ADAMTSL1: variants seen among roughly 807,000 people sequenced by gnomAD.
The protein encoded by ADAMTSL1 is ADAMTS like 1.
Under a neutral mutation model 201.8 loss-of-function variants are expected in ADAMTSL1, and 126 were observed. The ratio of observed to expected loss-of-function variants is 0.62; its 90% CI spans 0.54 to 0.72. The LOEUF (loss-of-function observed/expected upper bound fraction) is 0.72, where lower values mean the gene tolerates loss of function less well. ADAMTSL1 is among the 30% of genes least tolerant of loss of function. The pLI, the probability that ADAMTSL1 is intolerant of heterozygous loss-of-function variation, is 0.00. For missense variants in ADAMTSL1, 2,679 were observed against 2,277.8 expected, an observed-to-expected ratio of 1.18 and a Z score of -3.59; for synonymous variants, 1,121 against 903.4, an observed-to-expected ratio of 1.24 and a Z score of -4.32.
chr9:18,330,296 A>G (rs1834978806), intron 2 of ADAMTSL1, among the ~76,000 whole-genome samples: 1 of 152,056 alleles, frequency 6.6e-6, no homozygotes, highest in African/African-American at 2.4e-5. Flanking sequence ...ATTAGGACTC[A>G]GTTTTCCAGA....
chr9:18,267,781 C>CAAAA lies in ADAMTSL1; in HGVS notation c.207+103802_207+103805dup, dbSNP rs1331435629. ...GGCTATTAAAAAAAAAAAACAAAAACAAAAACAAAAAAACCTTAATCTGAG... is the reference window on the plus strand; with the variant it reads ...GGCTATTAAAAAAAAAAAACAAAAACAAAAAAAAACAAAAAAACCTTAATCTGAG... On this transcript the variant is annotated intron_variant, in intron 2 of 29. Coordinates refer to the ADAMTSL1 transcript ENST00000680146. Among the ~76,000 whole-genome samples, 19 of 138,722 alleles carry CAAAA rather than the reference C, an allele frequency of 1.4e-4. No homozygotes were observed. In the South Asian group the frequency reaches 1.6e-3, roughly 11 times the overall value. The allele number at this position is 138,722 out of a possible 152,430, so 91.0% of individuals were successfully genotyped here.
intron 2 of ADAMTSL1, among the ~76,000 whole-genome samples, chr9:18,334,700 T>G (rs1419784883): frequency 6.6e-6 from 1 of 152,016 alleles, no homozygotes; most frequent in African/African-American, 2.4e-5. Context: ...ACAAATAGAG[T>G]CTGTTATCAA....
At chr9:17,991,348 G>A (rs1413801881) in intron 1 of ADAMTSL1, among the ~76,000 whole-genome samples, 1 of 152,112 alleles carries the variant, frequency 6.6e-6, no homozygotes, top group East Asian at 1.9e-4. Flanking sequence ...TTTTATCAAA[G>A]CAGAGATAAA....
At chr9:18,526,710 A>G (rs1819078625) in intron 2 of ADAMTSL1, among the ~76,000 whole-genome samples, 1 of 151,794 alleles carries the variant, frequency 6.6e-6, no homozygotes, top group African/African-American at 2.4e-5. Flanking sequence ...CTTAGTTTGG[A>G]GAATTTTTTT....
chr9:17,964,623 A>C (rs1292640177), intron 1 of ADAMTSL1, among the ~76,000 whole-genome samples: 2 of 152,142 alleles, frequency 1.3e-5, no homozygotes, highest in African/African-American at 4.8e-5. Flanking sequence ...TGGAAATCTG[A>C]ATAAGATAGG....
At chr9:18,070,561 G>A (rs1822919609) in intron 1 of ADAMTSL1, among the ~76,000 whole-genome samples, 1 of 152,132 alleles carries the variant, frequency 6.6e-6, no homozygotes, top group African/African-American at 2.4e-5. Context: ...TGCACAATAA[G>A]TTTTGCTTTT....
chr9:18,059,068 C>G (rs753310211), intron 1 of ADAMTSL1, among the ~76,000 whole-genome samples: 1 of 152,208 alleles, frequency 6.6e-6, no homozygotes, highest in Admixed American at 6.5e-5. Flanking sequence ...TTGGTCCTAT[C>G]CAGTATCTTG....
intron 3 of ADAMTSL1, among the ~76,000 whole-genome samples, chr9:18,534,570 C>G (rs1019116383): frequency 6.6e-6 from 1 of 152,234 alleles, no homozygotes; most frequent in African/African-American, 2.4e-5. Context: ...TGAAGAAGCT[C>G]TTTCCTCAAT....
chr9:18,603,081 C>G (rs1442524576), intron 4 of ADAMTSL1, among the ~76,000 whole-genome samples: 1 of 152,162 alleles, frequency 6.6e-6, no homozygotes, highest in Non-Finnish European at 1.5e-5. Context: ...CATCCACTTA[C>G]TTTTGTTCTT....
At chr9:18,633,611 A>G (rs1259439116) in intron 5 of ADAMTSL1, among the ~76,000 whole-genome samples, 1 of 148,744 alleles carries the variant, frequency 6.7e-6, no homozygotes, top group African/African-American at 2.5e-5. Context: ...CAAACAAACC[A>G]AAGAAGCTCT....
rs551124393 is a variant in ADAMTSL1, at chr9:18,152,952, C to T, written c.88-10910C>T. On this transcript the variant is annotated intron_variant, in intron 1 of 29. Coordinates refer to the ADAMTSL1 transcript ENST00000680146. ...AGATAACAATGATCATATTTTCTTTCTTTATAAATTGTTGGTTTGGCCAAT... is the reference window on the plus strand; with the variant it reads ...AGATAACAATGATCATATTTTCTTTTTTTATAAATTGTTGGTTTGGCCAAT... Among the ~76,000 whole-genome samples, 4 of 152,058 alleles carry T rather than the reference C, an allele frequency of 2.6e-5. No homozygotes were observed. In the East Asian group the frequency reaches 7.7e-4, roughly 29 times the overall value.
chr9:18,759,276 A>G (rs1819937083), intron 16 of ADAMTSL1, among the ~76,000 whole-genome samples: 1 of 152,228 alleles, frequency 6.6e-6, no homozygotes, highest in Admixed American at 6.5e-5. Context: ...GTAAAAAAGC[A>G]TAAGGGAGAG....
intron 23 of ADAMTSL1, among the ~76,000 whole-genome samples, chr9:18,839,216 A>C (rs1825550134): frequency 8.0e-6 from 1 of 124,986 alleles, no homozygotes; most frequent in Non-Finnish European, 1.6e-5. Flanking sequence ...CCAGAGTGTA[A>C]TGTTCCCCTT....
chr9:18,568,351 G>C (rs953392779), intron 3 of ADAMTSL1, among the ~76,000 whole-genome samples: 1 of 152,134 alleles, frequency 6.6e-6, no homozygotes, highest in Non-Finnish European at 1.5e-5. Context: ...CATCTACTTA[G>C]GTGTGCTAAA....
intron 8 of ADAMTSL1, 147 bp from the exon 9 acceptor site, chr9:18,661,788 G>T (rs766559930): frequency 1.2e-6 from 1 of 810,076 alleles, no homozygotes; most frequent in Non-Finnish European, 1.8e-6. Context: ...AAAAATTAAT[G>T]AGCCTTCCAA....
At chr9:18,712,398 G>C (rs1403674948) in intron 14 of ADAMTSL1, among the ~76,000 whole-genome samples, 1 of 151,724 alleles carries the variant, frequency 6.6e-6, no homozygotes, top group Non-Finnish European at 1.5e-5. Flanking sequence ...ACAGAGAAGT[G>C]CTTAAAGGAG....
chr9:18,096,337 C>T lies in ADAMTSL1; in HGVS notation c.88-67525C>T, dbSNP rs112286033. Among the ~76,000 whole-genome samples, 757 of 152,278 alleles carry T rather than the reference C, an allele frequency of 5.0e-3. 9 individuals are homozygous for T. Among genetic ancestry groups the T allele is most frequent in the African/African-American group, 0.017 (703 of 41,550 alleles). On this transcript the variant is annotated intron_variant, in intron 1 of 29. Coordinates refer to the ADAMTSL1 transcript ENST00000680146. ...TCTCACTCTTAGTTCTATCAATAAA[C>T]GTATATTTAATTCTTACCAGCAATT...
intron 1 of ADAMTSL1, among the ~76,000 whole-genome samples, chr9:17,948,030 G>A (rs2131366473): frequency 6.6e-6 from 1 of 152,232 alleles, no homozygotes; most frequent in East Asian, 1.9e-4. Flanking sequence ...GTGGTGGGTG[G>A]TAAATGTCGA....
intron 2 of ADAMTSL1, among the ~76,000 whole-genome samples, chr9:18,434,547 G>C (rs1819639110): frequency 3.3e-5 from 5 of 152,168 alleles, no homozygotes; most frequent in Admixed American, 3.3e-4. Flanking sequence ...AAATGTTCAA[G>C]AGTAATAAAG....
Sources: gnomAD v4.1 joint callset for allele counts (sites outside exome capture counted in the v4.1 genomes callset) on GRCh38, gnomAD v4.1.1 for gene constraint, MANE v1.5 for transcripts, NCBI Gene and HGNC (gene_info 2026-07-23, HGNC 2026-07-21) for gene names.